The following NUDT7 variants were observed in gnomAD, a reference collection of about 807,000 sequenced individuals.
NUDT7 encodes nudix hydrolase 7, also known as peroxisomal coenzyme A diphosphatase NUDT7.
A neutral mutation model predicts 13.1 loss-of-function variants in NUDT7; 19 were observed. That is an observed-to-expected ratio of 1.45 (90% confidence interval 1.01 to 2.13). The LOEUF is 2.13. NUDT7 is among the 30% of genes most tolerant of loss of function. The probability of loss-of-function intolerance (pLI) is 0.00; values close to 1 mark genes in which losing one functional copy is unlikely to be tolerated. For missense variants in NUDT7, 360 were observed against 291.7 expected, an observed-to-expected ratio of 1.23 and a Z score of -1.71; for synonymous variants, 132 against 109.7, an observed-to-expected ratio of 1.20 and a Z score of -1.27.
chr16:77,726,337 G>A (rs1446467973), intron 2 of NUDT7, among the ~76,000 whole-genome samples: 1 of 152,184 alleles, frequency 6.6e-6, no homozygotes, highest in African/African-American at 2.4e-5. Context: ...CCAGGTACTT[G>A]GCAAGGAAGA....
Position 77,735,841 on chromosome 16 carries a change from C to G in NUDT7, c.203C>G (p.Pro68Arg), listed in dbSNP as rs1463453465. The G allele has an allele frequency of 1.9e-6, 3 of 1,613,726 alleles. No individual in the cohort carries two copies. In the African/African-American group the frequency reaches 4.0e-5, roughly 22 times the overall value. ...TTCTATATCCAGCTAAGAAGGGCCC[C>G]TGGAGAAGTTTGCTTCCCTGGAGGT... ...TVRSEKLRRA[P>R]GEVCFPGGKR... Residue 68 changes from proline to arginine, a missense_variant, in exon 3 of 4, where the codon CCT (proline) becomes CGT (arginine). By Grantham distance (103) the Pro-to-Arg change is moderately radical. Coordinates refer to ENST00000268533, the MANE Select transcript of NUDT7 (RefSeq NM_001105663.3).
At chr16:77,732,269 A>G (rs1249144849) in intron 2 of NUDT7, among the ~76,000 whole-genome samples, 1 of 152,130 alleles carries the variant, frequency 6.6e-6, no homozygotes, top group East Asian at 1.9e-4. Flanking sequence ...CAGAGGCTGC[A>G]GTGAGCTGAG....
chr16:77,725,415 T>G lies in NUDT7; in HGVS notation c.36-16T>G, dbSNP rs574035687. On this transcript the variant is annotated splice_polypyrimidine_tract_variant and intron_variant, in intron 1 of 3. Transcript: ENST00000268533. ...TCTGCTTGCTAAAATGTCTGTCTGGTTTGTTTTTATTTTAGAAACAGTTTG... is the reference window on the plus strand; with the variant it reads ...TCTGCTTGCTAAAATGTCTGTCTGGGTTGTTTTTATTTTAGAAACAGTTTG... The G allele has an allele frequency of 6.2e-7, 1 of 1,602,444 alleles. No homozygotes were observed. The highest frequency in any genetic ancestry group is 8.5e-7 in the Non-Finnish European group (1 of 1,172,826).
intron 3 of NUDT7, among the ~76,000 whole-genome samples, chr16:77,738,007 G>C (rs2014545242): frequency 1.3e-5 from 2 of 152,020 alleles, no homozygotes; most frequent in African/African-American, 4.8e-5. Flanking sequence ...GGGTGGTTTT[G>C]TTTGCAAAAA....
chr16:77,736,008 C>T (rs767599893), intron 3 of NUDT7, 22 bp downstream of exon 3: 19 of 1,611,538 alleles, frequency 1.2e-5, no homozygotes, highest in Non-Finnish European at 1.4e-5. Context: ...CTGAGACACT[C>T]ATGAGCACCG....
intron 3 of NUDT7, among the ~76,000 whole-genome samples, chr16:77,740,734 G>C (rs1172493785): frequency 6.6e-6 from 1 of 151,942 alleles, no homozygotes; most frequent in Non-Finnish European, 1.5e-5. Context: ...TTTTAGTAGA[G>C]ACGGGATTTC....
intron 2 of NUDT7, among the ~76,000 whole-genome samples, chr16:77,727,304 A>G (rs1294693785): frequency 6.6e-6 from 1 of 152,234 alleles, no homozygotes; most frequent in Admixed American, 6.5e-5. Context: ...AGCCATATTA[A>G]CAGGCTTTTT....
intron 2 of NUDT7, among the ~76,000 whole-genome samples, chr16:77,732,498 G>A (rs2014349294): frequency 6.6e-6 from 1 of 152,058 alleles, no homozygotes; most frequent in Non-Finnish European, 1.5e-5. Flanking sequence ...CTCCATTTAT[G>A]GTAAATGCCC....
In NUDT7 at chr16:77,726,826, T is replaced by A. The variant is rs527482940; in HGVS notation, c.189+1242T>A. Among the ~76,000 whole-genome samples the A allele has an allele frequency of 9.2e-5, 14 of 151,964 alleles. 1 individual carries two copies. The South Asian group carries it at 2.1e-3, about 23-fold the overall frequency. On this transcript the variant is annotated intron_variant, in intron 2 of 3. Transcript: ENST00000268533. ...AGAAAGAAAGAAAGAAAAAGAAATA[T>A]CTGAGTCTGGGTAATTTATAAAGAA...
intron 2 of NUDT7, among the ~76,000 whole-genome samples, chr16:77,734,207 A>C (rs1466368455): frequency 1.3e-5 from 2 of 152,204 alleles, no homozygotes; most frequent in Non-Finnish European, 2.9e-5. Flanking sequence ...GTACTGATTA[A>C]AAACACAGGC....
chr16:77,739,561 T>C lies in NUDT7; in HGVS notation c.349-2021T>C, dbSNP rs144160773. The stretch of plus-strand genomic sequence containing the variant: ...CCATCTTGGTTTTGGTGCGTTTTGA[T>C]GGCCTTCTTTACTGTAAGGTCTTTA... On this transcript the variant is annotated intron_variant, in intron 3 of 3. Coordinates refer to ENST00000268533, the MANE Select transcript of NUDT7 (RefSeq NM_001105663.3). Among the ~76,000 whole-genome samples the C allele has an allele frequency of 9.4e-3, 1,439 of 152,300 alleles. 15 individuals are homozygous for C. Among genetic ancestry groups the C allele is most frequent in the Middle Eastern group, 0.02 (6 of 294 alleles).
chr16:77,736,725 C>T, intron 3 of NUDT7: 1 of 261,774 alleles, frequency 3.8e-6, no homozygotes, highest in Non-Finnish European at 8.2e-6. Context: ...CTCAGCCTCC[C>T]AAAGTGCTGG....
In NUDT7 at chr16:77,735,835, G is replaced by A; in HGVS notation, c.197G>A (p.Arg66Lys). ...LFTVRSEKLRRAPGEVCFPGG... is the reference protein window; with the variant it reads ...LFTVRSEKLRKAPGEVCFPGG... ...TGTTCTTTCTATATCCAGCTAAGAA[G>A]GGCCCCTGGAGAAGTTTGCTTCCCT... Residue 66 changes from arginine (R) to lysine (K), a missense_variant, in exon 3 of 4, where the codon AGG becomes AAG. Physicochemically the swap from Arg to Lys is conservative, Grantham distance 26 (BLOSUM62 2). Transcript: ENST00000268533. The A allele has an allele frequency of 2.5e-6, 4 of 1,613,206 alleles. No individual in the cohort carries two copies. The highest frequency in any genetic ancestry group is 3.4e-6 in the Non-Finnish European group (4 of 1,179,312).
At chr16:77,728,945 C>G (rs1404876336) in intron 2 of NUDT7, among the ~76,000 whole-genome samples, 1 of 152,108 alleles carries the variant, frequency 6.6e-6, no homozygotes, top group Non-Finnish European at 1.5e-5. Flanking sequence ...CCTCTTCTAC[C>G]CTCCTCCACC....
chr16:77,730,188 C>G (rs1345422543), intron 2 of NUDT7, among the ~76,000 whole-genome samples: 1 of 152,184 alleles, frequency 6.6e-6, no homozygotes, highest in Admixed American at 6.5e-5. Context: ...AGTATGTTAA[C>G]TATAGTTACC....
chr16:77,736,040 A>C (rs911687647), intron 3 of NUDT7, 54 bp downstream of exon 3: 4 of 1,526,546 alleles, frequency 2.6e-6, no homozygotes, highest in Admixed American at 3.4e-5. Context: ...AGGTGGATCT[A>C]CTGTTCTCAG....
At chr16:77,726,603 T>G (rs1016797776) in intron 2 of NUDT7, among the ~76,000 whole-genome samples, 1 of 152,104 alleles carries the variant, frequency 6.6e-6, no homozygotes, top group Non-Finnish European at 1.5e-5. Flanking sequence ...GAGACAAGCC[T>G]GACCAACATA....
chr16:77,738,499 A>C (rs1346632568), intron 3 of NUDT7, among the ~76,000 whole-genome samples: 1 of 152,218 alleles, frequency 6.6e-6, no homozygotes, highest in Non-Finnish European at 1.5e-5. Flanking sequence ...ATTTATTGAA[A>C]ATTATAAGCA....
In NUDT7 at chr16:77,722,693, T is replaced by G. The variant is rs2013996288; in HGVS notation, c.35+76T>G. On this transcript the variant is annotated intron_variant, in intron 1 of 3. Transcript: ENST00000268533. ...GATCGTAGCGGAGGCCACCGGGGCC[T>G]TTTGGCCGGGACTGATTTTGCAGCT... 1.5e-5 allele frequency: 21 copies of G among 1,424,892 alleles called. No individual in the cohort carries two copies. The East Asian group carries it at 5.0e-4, about 34-fold the overall frequency. The allele number at this position is 1,424,892 out of a possible 1,614,324, so 88.3% of individuals were successfully genotyped here. A position where few individuals can be genotyped will look rare whatever the true frequency, so the allele number is the denominator to read the frequency against.
Sources: gnomAD v4.1 joint callset for allele counts (sites outside exome capture counted in the v4.1 genomes callset) on GRCh38, gnomAD v4.1.1 for gene constraint, MANE v1.5 for transcripts, NCBI Gene and HGNC (gene_info 2026-07-23, HGNC 2026-07-21) for gene names.